The following TRDN variants were observed in gnomAD, a reference collection of about 807,000 sequenced individuals.
TRDN encodes triadin in skeletal muscle.
A neutral mutation model predicts 149.7 loss-of-function variants in TRDN; 161 were observed. The ratio of observed to expected loss-of-function variants is 1.08; its 90% CI spans 0.95 to 1.23. The LOEUF (loss-of-function observed/expected upper bound fraction) is 1.23, where lower values mean the gene tolerates loss of function less well. TRDN is among the 50% of genes most tolerant of loss of function. The pLI is 0.00. For missense variants in TRDN, 896 were observed against 823.5 expected (o/e 1.09, Z -1.08); for synonymous variants, 294 against 250.5 (o/e 1.17, Z -1.64).
At position 123,217,404 on chromosome 6, in the gene TRDN, C is replaced by T. The variant is rs1775000170; in HGVS notation, c.*1197G>A. The T allele has an allele frequency of 6.6e-6, 1 of 151,856 alleles. No individual in the cohort carries two copies. Among genetic ancestry groups the T allele is most frequent in the Non-Finnish European group, 1.5e-5 (1 of 67,914 alleles). The allele number at this position is 151,856 out of a possible 1,614,324, so 9.4% of individuals were successfully genotyped here. On this transcript the variant is annotated 3_prime_UTR_variant, in exon 41 of 41. Coordinates refer to ENST00000334268, the MANE Select transcript of TRDN (RefSeq NM_006073.4). ...CAATTTATTTCCTGAGTTAATTTGT[C>T]ATAAGTTCAGTTGCAATTGTAAACA...
Position 123,393,619 on chromosome 6 carries a change from C to T in TRDN, c.1105+5G>A, listed in dbSNP as rs41284430. On this transcript the variant is annotated splice_donor_5th_base_variant and intron_variant, in intron 13 of 40. Transcript: ENST00000334268. The stretch of plus-strand genomic sequence containing the variant: ...CAATGCTTTTTAAAGTGTTTTATTG[C>T]TTACCTTGTGCTGCAATTTTTACAG... The T allele has an allele frequency of 0.044, 69,724 of 1,599,324 alleles. 1,732 individuals are homozygous for T. The highest frequency in any genetic ancestry group is 0.052 in the Non-Finnish European group (61,310 of 1,171,760).
intron 17 of TRDN, 46 bp downstream of exon 17, chr6:123,377,820 A>G (rs1295875507): frequency 6.2e-7 from 1 of 1,604,402 alleles, no homozygotes; most frequent in Non-Finnish European, 8.5e-7. Context: ...TGCAAATCAA[A>G]TAATATTATG....
chr6:123,607,851 C>CTTTTTTTT (rs558952808), intron 1 of TRDN, among the ~76,000 whole-genome samples: 4 of 130,514 alleles, frequency 3.1e-5, no homozygotes, highest in Non-Finnish European at 5.0e-5. Context: ...CTCTTTTAGT[C>CTTTTTTTT]TTTTTTTTTT....
At chr6:123,417,604 C>T (rs1773710138) in intron 12 of TRDN, among the ~76,000 whole-genome samples, 1 of 152,078 alleles carries the variant, frequency 6.6e-6, no homozygotes, top group South Asian at 2.1e-4. Flanking sequence ...TCCTCATTCC[C>T]CCACGTATCC....
At chr6:123,490,687 A>C (rs1398191476) in intron 9 of TRDN, among the ~76,000 whole-genome samples, 1 of 152,212 alleles carries the variant, frequency 6.6e-6, no homozygotes, top group Non-Finnish European at 1.5e-5. Context: ...TTCATGTGCC[A>C]AAATCTGTGG....
chr6:123,252,509 T>G, intron 37 of TRDN, 74 bp from the exon 38 acceptor site: 1 of 742,968 alleles, frequency 1.3e-6, no homozygotes, highest in Non-Finnish European at 2.2e-6. Context: ...GTGGACTTTA[T>G]AAAAATATCT....
chr6:123,377,596 C>T, intron 18 of TRDN, 120 bp downstream of exon 18: 2 of 1,186,716 alleles, frequency 1.7e-6, no homozygotes, highest in Non-Finnish European at 2.4e-6. Flanking sequence ...GGAAAAAACA[C>T]TGTGAGATGG....
At chr6:123,365,151 A>G (rs1475145396) in intron 20 of TRDN, among the ~76,000 whole-genome samples, 1 of 152,204 alleles carries the variant, frequency 6.6e-6, no homozygotes, top group Non-Finnish European at 1.5e-5. Flanking sequence ...TCAGAATAAT[A>G]GAGCTGTATT....
intron 21 of TRDN, among the ~76,000 whole-genome samples, chr6:123,338,417 A>G (rs1395055544): frequency 6.6e-6 from 1 of 152,162 alleles, no homozygotes; most frequent in African/African-American, 2.4e-5. Context: ...GTCATGCAGT[A>G]TTCACCTGCT....
At position 123,542,370 on chromosome 6, in the gene TRDN, C is replaced by T. The variant is rs145056688; in HGVS notation, c.424+4970G>A. Among the ~76,000 whole-genome samples, 36 of 152,214 alleles carry T rather than the reference C, an allele frequency of 2.4e-4. 1 individual carries two copies. Among genetic ancestry groups the T allele is most frequent in the African/African-American group, 8.4e-4 (35 of 41,526 alleles). The stretch of plus-strand genomic sequence containing the variant: ...CTATAGCCCATAAGGCCACCATGGT[C>T]CTAAAATTAAAGATCAGTTTCTCCT... On this transcript the variant is annotated intron_variant, in intron 4 of 40. Coordinates refer to ENST00000334268, the MANE Select transcript of TRDN (RefSeq NM_006073.4).
Position 123,350,864 on chromosome 6 carries a change from G to A in TRDN, c.1369+1675C>T, listed in dbSNP as rs958711214. ...TTTAATAAGATAAAAGAAGATTTTAGTAAACAAAATTATAAAATCATCTGA... is the reference window on the plus strand; with the variant it reads ...TTTAATAAGATAAAAGAAGATTTTAATAAACAAAATTATAAAATCATCTGA... On this transcript the variant is annotated intron_variant, in intron 21 of 40. Coordinates refer to ENST00000334268, the MANE Select transcript of TRDN (RefSeq NM_006073.4). The A allele has an allele frequency of 6.1e-6, 6 of 983,220 alleles. No individual in the cohort carries two copies. In the East Asian group the frequency reaches 3.4e-4, roughly 56 times the overall value. The allele number at this position is 983,220 out of a possible 1,614,324, so 60.9% of individuals were successfully genotyped here.
chr6:123,256,578 T>A (rs893961857), intron 35 of TRDN, among the ~76,000 whole-genome samples: 2 of 152,170 alleles, frequency 1.3e-5, no homozygotes, highest in African/African-American at 2.4e-5. Context: ...CTCTAGTGAC[T>A]GGTGATGATG....
Position 123,586,841 on chromosome 6 carries a change from C to T in TRDN, c.23-15709G>A, listed in dbSNP as rs531733727. ...TGGGGGTTCTTACCCTCCAGAAAAGCGGGAAAGGGGTCGGGGCACAGAGAT... is the reference window on the plus strand; with the variant it reads ...TGGGGGTTCTTACCCTCCAGAAAAGTGGGAAAGGGGTCGGGGCACAGAGAT... On this transcript the variant is annotated intron_variant, in intron 1 of 40. Coordinates refer to ENST00000334268, the MANE Select transcript of TRDN (RefSeq NM_006073.4). Among the ~76,000 whole-genome samples, 105 of 151,306 alleles carry T rather than the reference C, an allele frequency of 6.9e-4. 1 individual carries two copies. The highest frequency in any genetic ancestry group is 2.3e-3 in the African/African-American group (95 of 41,198).
intron 2 of TRDN, among the ~76,000 whole-genome samples, chr6:123,562,227 G>A (rs189521713): frequency 1.5e-4 from 23 of 151,870 alleles, no homozygotes; most frequent in Middle Eastern, 3.4e-3. Context: ...TAAAATGGCC[G>A]CATCCCTATC....
At chr6:123,384,696 C>T (rs762619119) in intron 14 of TRDN, among the ~76,000 whole-genome samples, 8 of 151,930 alleles carry the variant, frequency 5.3e-5, no homozygotes, top group Non-Finnish European at 1.0e-4. Flanking sequence ...GAATAAAACA[C>T]GATATGAAGT....
At position 123,269,844 on chromosome 6, in the gene TRDN, C is replaced by T; in HGVS notation, c.1738+5G>A. 6.2e-7 allele frequency: 1 copy of T among 1,610,574 alleles called. No homozygotes were observed. Among genetic ancestry groups the T allele is most frequent in the Non-Finnish European group, 8.5e-7 (1 of 1,178,114 alleles). ...TTCTCAGGTGTTATTCTATTCATCT[C>T]TTACTTGTTGGTTTGGGCTTGGCTG... On this transcript the variant is annotated splice_donor_5th_base_variant and intron_variant, in intron 31 of 40. Transcript: ENST00000334268.
chr6:123,354,332 G>A (rs1201891089), intron 20 of TRDN, among the ~76,000 whole-genome samples: 1 of 151,752 alleles, frequency 6.6e-6, no homozygotes, highest in East Asian at 1.9e-4. Flanking sequence ...CTGTTTTAAG[G>A]TCTAAGTGAA....
At chr6:123,446,606 A>AAAAC (rs1775389201) in intron 10 of TRDN, among the ~76,000 whole-genome samples, 1 of 146,022 alleles carries the variant, frequency 6.8e-6, no homozygotes, top group African/African-American at 2.6e-5. Context: ...AAAAAAAAAA[A>AAAAC]AAAGAAGAGC....
chr6:123,479,714 G>A (rs553919492), intron 9 of TRDN, among the ~76,000 whole-genome samples: 180 of 152,146 alleles, frequency 1.2e-3, no homozygotes, highest in African/African-American at 4.0e-3. Context: ...AGAGCATAGG[G>A]GACAGGGAAT....
Sources: allele counts gnomAD v4.1 joint callset (sites outside exome capture counted in the v4.1 genomes callset), GRCh38; gene constraint gnomAD v4.1.1; transcripts MANE v1.5; gene names NCBI Gene and HGNC (gene_info 2026-07-23, HGNC 2026-07-21).